ZNF423: variants seen among roughly 807,000 people sequenced by gnomAD.
ZNF423 encodes Ebf-associated zinc finger protein.
A neutral mutation model predicts 95.8 loss-of-function variants in ZNF423; 12 were observed. That is an observed-to-expected ratio of 0.13 (90% CI 0.08 to 0.20). The LOEUF (loss-of-function observed/expected upper bound fraction) is 0.20, where lower values mean the gene tolerates loss of function less well. Among genes scored for constraint, ZNF423 ranks in the 10% least tolerant of loss-of-function variants. ZNF423 has a pLI of 1.00. For missense variants in ZNF423, 1,316 were observed against 1,737.1 expected, an observed-to-expected ratio of 0.76 and a Z score of 4.31; for synonymous variants, 749 against 711.9, an observed-to-expected ratio of 1.05 and a Z score of -0.83.
At chr16:49,830,495 C>T (rs2035050037) in intron 1 of ZNF423, among the ~76,000 whole-genome samples, 1 of 152,142 alleles carries the variant, frequency 6.6e-6, no homozygotes, top group Non-Finnish European at 1.5e-5. Flanking sequence ...CCAAAGGGAG[C>T]TCCGTATGTT....
At chr16:49,736,201 C>T (rs1010452761) in intron 2 of ZNF423, among the ~76,000 whole-genome samples, 1 of 152,192 alleles carries the variant, frequency 6.6e-6, no homozygotes, top group African/African-American at 2.4e-5. Context: ...GAAGGGGCCA[C>T]AGTGCAGTTT....
intron 6 of ZNF423, among the ~76,000 whole-genome samples, chr16:49,524,876 G>C (rs1187565453): frequency 6.6e-6 from 1 of 152,224 alleles, no homozygotes; most frequent in Non-Finnish European, 1.5e-5. Flanking sequence ...CAGCCAGTCT[G>C]GGGGCTGGGA....
intron 7 of ZNF423, among the ~76,000 whole-genome samples, chr16:49,506,738 G>A (rs1421736317): frequency 1.3e-5 from 2 of 152,152 alleles, no homozygotes; most frequent in African/African-American, 2.4e-5. Flanking sequence ...TAGGTGGAGA[G>A]ATGGGTAGGT....
intron 7 of ZNF423, chr16:49,517,908 A>G (rs1968219594): frequency 2.2e-6 from 1 of 447,768 alleles, no homozygotes. Context: ...AAATGAGCAA[A>G]GGTAAAAAAG....
At chr16:49,510,554 C>T (rs1597022699) in intron 7 of ZNF423, among the ~76,000 whole-genome samples, 1 of 152,318 alleles carries the variant, frequency 6.6e-6, no homozygotes, top group Non-Finnish European at 1.5e-5. Flanking sequence ...TAAACTGAGA[C>T]TCCCCATGTG....
At chr16:49,763,391 A>G (rs553834004) in intron 2 of ZNF423, among the ~76,000 whole-genome samples, 88 of 151,628 alleles carry the variant, frequency 5.8e-4, no homozygotes, top group African/African-American at 2.0e-3. Flanking sequence ...TAATCCACCC[A>G]CCTCAGCCTC....
chr16:49,631,254 G>A (rs1332644584), intron 4 of ZNF423, among the ~76,000 whole-genome samples: 2 of 152,000 alleles, frequency 1.3e-5, no homozygotes, highest in South Asian at 2.1e-4. Context: ...ATCCCCACAC[G>A]TACCACACAC....
intron 7 of ZNF423, among the ~76,000 whole-genome samples, chr16:49,518,879 AC>A (rs1248754140): frequency 6.6e-6 from 1 of 152,126 alleles, no homozygotes; most frequent in Non-Finnish European, 1.5e-5. Context: ...GTATCATGAG[AC>A]CCCACCTATA....
intron 1 of ZNF423, among the ~76,000 whole-genome samples, chr16:49,836,220 G>A (rs143480296): frequency 2.1e-3 from 314 of 152,300 alleles, no homozygotes; most frequent in African/African-American, 6.7e-3. Flanking sequence ...TGGGTGTGCA[G>A]TTCCCAAAAA....
At chr16:49,760,680 A>G (rs962591872) in intron 2 of ZNF423, among the ~76,000 whole-genome samples, 3 of 152,074 alleles carry the variant, frequency 2.0e-5, no homozygotes, top group African/African-American at 7.2e-5. Context: ...GAGCACAGAC[A>G]GAACTCGAAC....
intron 2 of ZNF423, among the ~76,000 whole-genome samples, chr16:49,773,195 T>C (rs1472572352): frequency 6.6e-6 from 1 of 152,132 alleles, no homozygotes; most frequent in Non-Finnish European, 1.5e-5. Flanking sequence ...GGTGGGTGCC[T>C]GTAATCCCAG....
At chr16:49,714,596 A>C (rs2032645913) in intron 3 of ZNF423, among the ~76,000 whole-genome samples, 1 of 150,096 alleles carries the variant, frequency 6.7e-6, no homozygotes, top group South Asian at 2.1e-4. Context: ...CAGTGAGCCA[A>C]GATCTCGCCA....
intron 1 of ZNF423, chr16:49,822,570 G>T: frequency 1.1e-6 from 1 of 949,420 alleles, no homozygotes; most frequent in Non-Finnish European, 1.6e-6. Flanking sequence ...CAGAAGGGAT[G>T]AGACCCACAT....
At chr16:49,631,593 A>G (rs1175162281) in intron 4 of ZNF423, among the ~76,000 whole-genome samples, 1 of 152,064 alleles carries the variant, frequency 6.6e-6, no homozygotes, top group African/African-American at 2.4e-5. Context: ...GCCTCCCCCA[A>G]CACAGCCCTG....
At chr16:49,601,421 G>A (rs921916473) in intron 5 of ZNF423, among the ~76,000 whole-genome samples, 2 of 152,190 alleles carry the variant, frequency 1.3e-5, no homozygotes, top group Non-Finnish European at 2.9e-5. Flanking sequence ...ACACTCATTT[G>A]GGATCAATAT....
chr16:49,750,128 G>A (rs1244494016), intron 2 of ZNF423, among the ~76,000 whole-genome samples: 3 of 152,244 alleles, frequency 2.0e-5, no homozygotes, highest in East Asian at 3.8e-4. Flanking sequence ...TCATGCTGCT[G>A]CTCGGGGTGA....
intron 1 of ZNF423, among the ~76,000 whole-genome samples, chr16:49,815,898 ATATATATATATATATATTTTTTTTTTTT>A (rs2034840589): frequency 1.3e-4 from 6 of 47,754 alleles, no homozygotes; most frequent in Non-Finnish European, 2.3e-4. Flanking sequence ...ATATATATAT[ATATATATATATATATATTTTTTTTTTTT>A]TTTTTTTTTT....
intron 1 of ZNF423, among the ~76,000 whole-genome samples, chr16:49,804,497 C>T (rs1285155716): frequency 1.3e-5 from 2 of 152,046 alleles, no homozygotes; most frequent in Non-Finnish European, 2.9e-5. Flanking sequence ...ACCTGGGATC[C>T]GGCTTATGAG....
intron 2 of ZNF423, among the ~76,000 whole-genome samples, chr16:49,753,771 C>A (rs139731558): frequency 6.6e-6 from 1 of 152,150 alleles, no homozygotes; most frequent in Non-Finnish European, 1.5e-5. Flanking sequence ...TGGTTCATGC[C>A]TGTAATCCCA....
Sources: gnomAD v4.1 joint callset for allele counts (sites outside exome capture counted in the v4.1 genomes callset) on GRCh38, gnomAD v4.1.1 for gene constraint, MANE v1.5 for transcripts, NCBI Gene and HGNC (gene_info 2026-07-23, HGNC 2026-07-21) for gene names.